Variants in RAB3GAP1 observed in about 807,000 individuals in gnomAD.
RAB3GAP1 encodes the protein RAB3 GTPase activating protein catalytic subunit 1, also known as rab3 GTPase-activating protein catalytic subunit.
RAB3GAP1 carries 86 observed loss-of-function variants against 130.7 expected under a neutral mutation model. The ratio of observed to expected loss-of-function variants is 0.66; its 90% CI spans 0.55 to 0.79. The LOEUF (loss-of-function observed/expected upper bound fraction) is 0.79. Ranked by LOEUF, RAB3GAP1 falls within the 30% of genes least tolerant of loss-of-function variation. RAB3GAP1 has a pLI of 0.00. For synonymous variants in RAB3GAP1, 367 were observed against 401.7 expected (o/e 0.91, Z 1.03); for missense variants, 1,029 against 1,169.4 (o/e 0.88, Z 1.75).
intron 17 of RAB3GAP1, among the ~76,000 whole-genome samples, chr2:135,146,344 T>G (rs972722020): frequency 6.6e-6 from 1 of 151,930 alleles, no homozygotes; most frequent in African/African-American, 2.4e-5. Context: ...CCTGAGTAGC[T>G]GGGATTACAG....
At chr2:135,112,821 C>T (rs1690845663) in intron 5 of RAB3GAP1, among the ~76,000 whole-genome samples, 1 of 136,632 alleles carries the variant, frequency 7.3e-6, no homozygotes, top group South Asian at 2.5e-4. Flanking sequence ...CAAAGTCTCT[C>T]TCTCTCTCTC....
chr2:135,138,472 A>G (rs965586338), intron 17 of RAB3GAP1, among the ~76,000 whole-genome samples: 4 of 152,028 alleles, frequency 2.6e-5, no homozygotes, highest in African/African-American at 9.7e-5. Context: ...AGTGAAAGCC[A>G]CCATCCACTA....
intron 23 of RAB3GAP1, 96 bp downstream of exon 23, chr2:135,164,792 T>G: frequency 5.5e-6 from 5 of 910,720 alleles, no homozygotes; most frequent in Middle Eastern, 2.7e-4. Context: ...ATCACACTCA[T>G]GTCACCTGAG....
At chr2:135,149,649 A>G (rs1465169393) in intron 17 of RAB3GAP1, among the ~76,000 whole-genome samples, 1 of 152,150 alleles carries the variant, frequency 6.6e-6, no homozygotes. Flanking sequence ...AGAGATGATC[A>G]TTGTTAGAGC....
At chr2:135,117,464 T>G (rs1439920479) in intron 7 of RAB3GAP1, among the ~76,000 whole-genome samples, 1 of 150,864 alleles carries the variant, frequency 6.6e-6, no homozygotes, top group East Asian at 1.9e-4. Context: ...CTGCTTCTGC[T>G]TCTGCTTCTG....
intron 3 of RAB3GAP1, among the ~76,000 whole-genome samples, chr2:135,068,088 A>T (rs1689371883): frequency 6.6e-6 from 1 of 152,172 alleles, no homozygotes; most frequent in South Asian, 2.1e-4. Context: ...TTGCTTAAGT[A>T]GAGTAGAATA....
chr2:135,105,572 C>T (rs1231781850), intron 5 of RAB3GAP1, among the ~76,000 whole-genome samples: 2 of 152,074 alleles, frequency 1.3e-5, no homozygotes, highest in Admixed American at 6.6e-5. Flanking sequence ...GGCGTGATCT[C>T]GGCTCGCTAC....
chr2:135,054,135 C>T (rs530252886), intron 2 of RAB3GAP1, among the ~76,000 whole-genome samples: 14 of 152,352 alleles, frequency 9.2e-5, no homozygotes, highest in African/African-American at 3.4e-4. Context: ...ATTCCTATGA[C>T]CAGTGATTCT....
At chr2:135,063,644 A>G (rs1247524579) in intron 3 of RAB3GAP1, among the ~76,000 whole-genome samples, 4 of 152,168 alleles carry the variant, frequency 2.6e-5, no homozygotes, top group African/African-American at 9.7e-5. Flanking sequence ...GTTATAGCAC[A>G]TGTCAGAATT....
At chr2:135,120,612 C>T (rs768932984) in intron 7 of RAB3GAP1, among the ~76,000 whole-genome samples, 13 of 152,112 alleles carry the variant, frequency 8.5e-5, no homozygotes, top group East Asian at 3.8e-4. Flanking sequence ...CTAATGACTT[C>T]GGTGACTTAT....
chr2:135,145,291 C>T (rs1270611138), intron 17 of RAB3GAP1, among the ~76,000 whole-genome samples: 1 of 151,958 alleles, frequency 6.6e-6, no homozygotes, highest in Non-Finnish European at 1.5e-5. Flanking sequence ...TTGTTGTTAA[C>T]CATAGTTACC....
At chr2:135,123,500 A>G (rs750922777) in intron 8 of RAB3GAP1, among the ~76,000 whole-genome samples, 3 of 152,214 alleles carry the variant, frequency 2.0e-5, no homozygotes, top group Non-Finnish European at 4.4e-5. Flanking sequence ...AGGAAATCCT[A>G]GTATAGTGTG....
intron 9 of RAB3GAP1, among the ~76,000 whole-genome samples, 175 bp downstream of exon 9, chr2:135,124,421 T>C (rs1691290685): frequency 6.6e-6 from 1 of 152,200 alleles, no homozygotes; most frequent in Non-Finnish European, 1.5e-5. Context: ...ATCCTAGCGC[T>C]CTGGGAGGCT....
In RAB3GAP1 at chr2:135,162,977, T is replaced by G; in HGVS notation, c.2491-9T>G. On this transcript the variant is annotated splice_polypyrimidine_tract_variant and intron_variant, in intron 21 of 23. Transcript: ENST00000264158. Reference sequence around the variant, plus strand: ...TCGCAATGTATGCCTCTTCCTTTTCTACCGCCAGGAAATCATTCACCAGAT... The same window carrying G: ...TCGCAATGTATGCCTCTTCCTTTTCGACCGCCAGGAAATCATTCACCAGAT... The G allele has an allele frequency of 6.2e-7, 1 of 1,608,048 alleles. No individual in the cohort carries two copies. Among genetic ancestry groups the G allele is most frequent in the Non-Finnish European group, 8.5e-7 (1 of 1,174,496 alleles).
chr2:135,140,870 C>T (rs1293308295), intron 17 of RAB3GAP1, among the ~76,000 whole-genome samples: 2 of 152,206 alleles, frequency 1.3e-5, no homozygotes, highest in African/African-American at 4.8e-5. Context: ...AATCCAGGTT[C>T]TCAGCTGCCA....
At chr2:135,100,106 G>T (rs770385222) in intron 5 of RAB3GAP1, among the ~76,000 whole-genome samples, 15 of 152,238 alleles carry the variant, frequency 9.9e-5, no homozygotes, top group African/African-American at 1.9e-4. Flanking sequence ...CTGGATGCAT[G>T]CCAGAGACCA....
chr2:135,130,108 A>G (rs779674049), intron 12 of RAB3GAP1, 21 bp downstream of exon 12: 28 of 1,551,412 alleles, frequency 1.8e-5, no homozygotes, highest in Non-Finnish European at 2.5e-5. Context: ...TTTTTTTTTA[A>G]CATTACTTTC....
chr2:135,143,473 T>G (rs1691903351), intron 17 of RAB3GAP1, among the ~76,000 whole-genome samples: 1 of 152,142 alleles, frequency 6.6e-6, no homozygotes, highest in South Asian at 2.1e-4. Flanking sequence ...TCTACTTTCC[T>G]TAGAACTAAT....
chr2:135,119,989 T>A (rs903490980), intron 7 of RAB3GAP1, among the ~76,000 whole-genome samples: 1 of 152,214 alleles, frequency 6.6e-6, no homozygotes, highest in Non-Finnish European at 1.5e-5. Flanking sequence ...TGTTAGCTGA[T>A]TCATTAATCT....
Sources: allele counts gnomAD v4.1 joint callset (sites outside exome capture counted in the v4.1 genomes callset), GRCh38; gene constraint gnomAD v4.1.1; transcripts MANE v1.5; gene names NCBI Gene and HGNC (gene_info 2026-07-23, HGNC 2026-07-21).